The following PSMD6 variants were observed in gnomAD, a reference collection of about 807,000 sequenced individuals.
PSMD6 encodes the protein proteasome 26S subunit, non-ATPase 6.
Under a neutral mutation model 44.9 loss-of-function variants are expected in PSMD6, and 7 were observed. That is an observed-to-expected ratio of 0.16 (90% CI 0.09 to 0.29). The LOEUF (loss-of-function observed/expected upper bound fraction) is 0.29, where lower values mean the gene tolerates loss of function less well. PSMD6 is among the 10% of genes least tolerant of loss of function. PSMD6 has a pLI of 1.00. For missense variants in PSMD6, 420 were observed against 482.6 expected (o/e 0.87, Z 1.21); for synonymous variants, 184 against 172.7 (o/e 1.07, Z -0.51).
chr3:64,018,339 G>T, intron 5 of PSMD6: 1 of 307,026 alleles, frequency 3.3e-6, no homozygotes, highest in African/African-American at 2.2e-5. Context: ...AAGCTACATA[G>T]CTCTCCGTCA....
chr3:64,022,187 A>G, intron 2 of PSMD6, 131 bp downstream of exon 2: 2 of 1,009,152 alleles, frequency 2.0e-6, no homozygotes, highest in South Asian at 3.2e-5. Flanking sequence ...ATTCACCAGT[A>G]CAAGCAAGCA....
chr3:64,023,954 C>T (rs2076176774), upstream of PSMD6: 2 of 733,258 alleles, frequency 2.7e-6, no homozygotes, highest in Non-Finnish European at 4.2e-6. Flanking sequence ...ACAGCCATGT[C>T]GCAAGGCCTA....
At chr3:64,013,878 G>A (rs2076002390) in intron 5 of PSMD6, 3 of 298,168 alleles carry the variant, frequency 1.0e-5, no homozygotes, top group Non-Finnish European at 1.2e-5. Flanking sequence ...AGATGACAAA[G>A]TTCACGTACT....
intron 5 of PSMD6, chr3:64,016,544 A>C (rs1416258371): frequency 6.9e-6 from 1 of 143,948 alleles, no homozygotes; most frequent in Non-Finnish European, 1.5e-5. Flanking sequence ...CAGAGTGCTA[A>C]GTTTTAGCAA....
intron 1 of PSMD6, 50 bp from the exon 2 acceptor site, chr3:64,022,573 G>C: frequency 6.2e-7 from 1 of 1,606,720 alleles, no homozygotes; most frequent in East Asian, 2.2e-5. Context: ...GTGCCCTCAA[G>C]TCAAAGTCTG....
chr3:64,013,161 G>A (rs761864311), intron 6 of PSMD6: 4 of 284,544 alleles, frequency 1.4e-5, no homozygotes, highest in East Asian at 6.4e-5. Flanking sequence ...AGAAGTAACA[G>A]AAGACAACTT....
chr3:64,010,588 G>T lies in PSMD6; in HGVS notation c.*80C>A. The T allele has an allele frequency of 1.9e-6, 2 of 1,031,834 alleles. No individual in the cohort carries two copies. Among genetic ancestry groups the T allele is most frequent in the East Asian group, 2.5e-5 (1 of 39,554 alleles). 63.9% of individuals were successfully genotyped at this position (1,031,834 alleles called of 1,614,324 possible). A position where few individuals can be genotyped will look rare whatever the true frequency, so the allele number is the denominator to read the frequency against. On this transcript the variant is annotated 3_prime_UTR_variant, in exon 8 of 8. Coordinates refer to ENST00000295901, the MANE Select transcript of PSMD6 (RefSeq NM_014814.3). ...AATGCAGTATTTATTTTATACAGCT[G>T]ACCTGGGCACATTGTGAAGTAAGCT...
Position 64,023,121 on chromosome 3 carries a change from C to T in PSMD6, c.145+154G>A, listed in dbSNP as rs2076159812. 9 of 1,424,944 alleles carry T rather than the reference C, an allele frequency of 6.3e-6. No homozygotes were observed. In the South Asian group the frequency reaches 1.2e-4, roughly 19 times the overall value. The allele number at this position is 1,424,944 out of a possible 1,614,324, so 88.3% of individuals were successfully genotyped here. On this transcript the variant is annotated intron_variant, in intron 1 of 7. Transcript: ENST00000295901. Reference sequence around the variant, plus strand: ...GAGGTCCCCCAGGGTATCCCCAAACCAAAGCAAAACCCTAAGGGCCGGAGA... The same window carrying T: ...GAGGTCCCCCAGGGTATCCCCAAACTAAAGCAAAACCCTAAGGGCCGGAGA...
chr3:64,020,216 T>G (rs1399477302), intron 2 of PSMD6, among the ~76,000 whole-genome samples: 1 of 152,106 alleles, frequency 6.6e-6, no homozygotes, highest in African/African-American at 2.4e-5. Context: ...GCTAACAAAT[T>G]TGCAACAAAC....
rs760341335 is a variant in PSMD6, at chr3:64,010,898, A to T, written c.1053T>A (p.Asn351Lys). The T allele has an allele frequency of 4.4e-5, 71 of 1,610,798 alleles. 1 individual carries two copies. Among genetic ancestry groups the T allele is most frequent in the Non-Finnish European group, 5.8e-5 (68 of 1,177,960 alleles). Residue 351 changes from asparagine (N) to lysine (K), a missense_variant, in exon 7 of 8, where the codon AAT (asparagine) becomes AAA (lysine). By Grantham distance (94) the Asn-to-Lys change is moderately conservative (BLOSUM62 0). This residue lies in a region of PSMD6 where 63 missense variants were observed against 112.1 expected (regional missense o/e 0.56). Transcript: ENST00000295901. ...AGTACCTGTTGGTTTCTACTATTTC[A>T]TTCACTTTATCTATTTTGCAGTGTA... ...GRLHCKIDKV[N>K]EIVETNRPDS...
intron 1 of PSMD6, chr3:64,023,005 G>A (rs764630685): frequency 1.4e-6 from 2 of 1,421,294 alleles, no homozygotes; most frequent in Non-Finnish European, 1.8e-6. Context: ...GCCTAGCACA[G>A]GGGTAAATAT....
At chr3:64,022,677 G>C (rs777996412) in intron 1 of PSMD6, 154 bp from the exon 2 acceptor site, 1 of 1,538,110 alleles carries the variant, frequency 6.5e-7, no homozygotes, top group South Asian at 1.2e-5. Flanking sequence ...TAATCGGCTT[G>C]GCAAAACATA....
rs746184143 is a variant in PSMD6 at position 64,018,808 on chromosome 3, T to G, written c.717+10A>C. ...GTCTTTAAATTTGAGTATTAAAGTT[T>G]GGTCATTACCTTTTCCCTGAGATCT... On this transcript the variant is annotated intron_variant, in intron 4 of 7. Coordinates refer to ENST00000295901, the MANE Select transcript of PSMD6 (RefSeq NM_014814.3). 6.4e-7 allele frequency: 1 copy of G among 1,555,410 alleles called. No individual in the cohort carries two copies. The highest frequency in any genetic ancestry group is 1.4e-5 in the African/African-American group (1 of 73,424).
At chr3:64,020,485 A>T (rs2076112083) in intron 2 of PSMD6, among the ~76,000 whole-genome samples, 1 of 152,216 alleles carries the variant, frequency 6.6e-6, no homozygotes, top group African/African-American at 2.4e-5. Context: ...AAAAGTTTCA[A>T]GTTTCTCATT....
Position 64,011,076 on chromosome 3 carries a change from A to AT in PSMD6, c.996-122dup, listed in dbSNP as rs1408538411. The AT allele has an allele frequency of 1.2e-5, 9 of 770,660 alleles. No homozygotes were observed. In the East Asian group the frequency reaches 1.8e-4, roughly 16 times the overall value. The allele number at this position is 770,660 out of a possible 1,614,324, so 47.7% of individuals were successfully genotyped here. ...CATTTAGCTTCCCTTCAAGCTTGTT[A>AT]TTGCACATGCAGTAGTTGACGTTGT... is the stretch of plus-strand genomic sequence containing the variant. On this transcript the variant is annotated intron_variant, in intron 6 of 7. Coordinates refer to ENST00000295901, the MANE Select transcript of PSMD6 (RefSeq NM_014814.3).
intron 2 of PSMD6, 147 bp from the exon 3 acceptor site, chr3:64,019,588 C>T: frequency 1.3e-6 from 1 of 778,172 alleles, no homozygotes; most frequent in Non-Finnish European, 2.0e-6. Context: ...ATTGTTGAAG[C>T]TGGGTGATAA....
At chr3:64,023,190 T>G in intron 1 of PSMD6, 85 bp downstream of exon 1, 2 of 1,462,172 alleles carry the variant, frequency 1.4e-6, no homozygotes, top group Non-Finnish European at 1.8e-6. Flanking sequence ...GGTCTGGAGC[T>G]CCATCAAAAA....
At chr3:64,013,149 A>G (rs936900166) in intron 6 of PSMD6, 2 of 260,572 alleles carry the variant, frequency 7.7e-6, no homozygotes, top group African/African-American at 4.4e-5. Context: ...TGTGGTCTAC[A>G]AAGAAGTAAC....
At chr3:64,019,102 CTGT>C in intron 3 of PSMD6, 65 bp from the exon 4 acceptor site, 3 of 1,472,706 alleles carry the variant, frequency 2.0e-6, no homozygotes, top group Non-Finnish European at 2.8e-6. Flanking sequence ...AAAAACTTGT[CTGT>C]TATTTGAAAT....
Sources: gnomAD v4.1 joint callset for allele counts (sites outside exome capture counted in the v4.1 genomes callset) on GRCh38, gnomAD v4.1.1 for gene constraint, gnomAD v4.1.1 regional missense constraint, MANE v1.5 for transcripts, NCBI Gene and HGNC (gene_info 2026-07-23, HGNC 2026-07-21) for gene names.